The following USH2A variants were observed in gnomAD, a reference collection of about 807,000 sequenced individuals.
The protein encoded by USH2A is usherin.
Under a neutral mutation model 538.9 loss-of-function variants are expected in USH2A, and 443 were observed. That is an observed-to-expected ratio of 0.82 (90% CI 0.76 to 0.89). The LOEUF (loss-of-function observed/expected upper bound fraction) is 0.89. USH2A is among the 40% of genes least tolerant of loss of function. USH2A has a pLI of 0.00. For synonymous variants in USH2A, 2,413 were observed against 2,273.5 expected (o/e 1.06, Z -1.75); for missense variants, 6,633 against 6,324.8 (o/e 1.05, Z -1.65).
At chr1:216,238,491 A>C (rs2102532543) in intron 13 of USH2A, among the ~76,000 whole-genome samples, 2 of 152,280 alleles carry the variant, frequency 1.3e-5, no homozygotes, top group East Asian at 3.9e-4. Context: ...ATGTACACAC[A>C]CTCCAAATAA....
intron 9 of USH2A, among the ~76,000 whole-genome samples, chr1:216,319,671 C>G (rs910189724): frequency 5.9e-5 from 9 of 152,100 alleles, no homozygotes; most frequent in Non-Finnish European, 8.8e-5. Context: ...ATAACTAAAT[C>G]AAAGACTCTT....
At chr1:215,988,398 G>A (rs895776735) in intron 35 of USH2A, among the ~76,000 whole-genome samples, 1 of 152,134 alleles carries the variant, frequency 6.6e-6, no homozygotes, top group South Asian at 2.1e-4. Context: ...ATGCCATTGT[G>A]TAAATATATC....
intron 26 of USH2A, among the ~76,000 whole-genome samples, chr1:216,079,418 A>C (rs1047835945): frequency 1.3e-5 from 2 of 152,148 alleles, no homozygotes; most frequent in African/African-American, 4.8e-5. Flanking sequence ...GGAAATTGGG[A>C]AAGGTTTAAA....
intron 61 of USH2A, among the ~76,000 whole-genome samples, chr1:215,699,964 A>G (rs1369998682): frequency 1.3e-5 from 2 of 152,148 alleles, no homozygotes; most frequent in Non-Finnish European, 2.9e-5. Flanking sequence ...AGCTCTTATT[A>G]TTTTGAGATA....
chr1:216,361,826 T>C (rs2038496298), intron 4 of USH2A, among the ~76,000 whole-genome samples: 1 of 152,204 alleles, frequency 6.6e-6, no homozygotes, highest in Non-Finnish European at 1.5e-5. Flanking sequence ...TATAACTGCA[T>C]ACACTATGGA....
Position 216,196,551 on chromosome 1 carries a change from A to C in USH2A, c.4251+2T>G. The C allele has an allele frequency of 6.2e-7, 1 of 1,613,252 alleles. No individual in the cohort carries two copies. The highest frequency in any genetic ancestry group is 8.5e-7 in the Non-Finnish European group (1 of 1,179,454). On this transcript the variant is annotated splice_donor_variant, in intron 19 of 71. Transcript: ENST00000307340. LOFTEE classifies it high-confidence loss of function. ...AAGGACATTAGTTAAAAATAACAAT[A>C]CCTGTGAAAACGCCATGGGAATAGA...
chr1:216,314,679 G>C (rs1156618467), intron 9 of USH2A, among the ~76,000 whole-genome samples: 1 of 152,026 alleles, frequency 6.6e-6, no homozygotes, highest in Non-Finnish European at 1.5e-5. Flanking sequence ...TGGTAGGAAG[G>C]CTTATTATAT....
Position 216,422,294 on chromosome 1 carries a change from G to GAA in USH2A, c.41_42dup (p.Gln15PhefsTer7). ...GCAAAGATCAACATTTCAATGACCT[G>GAA]AAACAAGAAGCCAGAGCCCAATGAA... On this transcript the variant is annotated frameshift_variant, in exon 2 of 72. Transcript: ENST00000307340. LOFTEE classifies it high-confidence loss of function. 5 of 1,613,786 alleles carry GAA rather than the reference G, an allele frequency of 3.1e-6. No homozygotes were observed. Among genetic ancestry groups the GAA allele is most frequent in the Non-Finnish European group, 4.2e-6 (5 of 1,179,826 alleles).
chr1:216,322,490 C>T (rs1242037569), intron 8 of USH2A, among the ~76,000 whole-genome samples: 2 of 151,136 alleles, frequency 1.3e-5, no homozygotes, highest in Non-Finnish European at 2.9e-5. Flanking sequence ...GCCTGTAGTC[C>T]CAGTTACTTT....
intron 51 of USH2A, among the ~76,000 whole-genome samples, chr1:215,788,383 T>C (rs1350640028): frequency 1.3e-5 from 2 of 152,256 alleles, no homozygotes; most frequent in East Asian, 1.9e-4. Context: ...CTGTGTGCAA[T>C]TGTCCCCTCT....
chr1:216,396,754 T>C (rs1019574473), intron 3 of USH2A, among the ~76,000 whole-genome samples: 1 of 152,174 alleles, frequency 6.6e-6, no homozygotes, highest in Admixed American at 6.5e-5. Context: ...GTGATGGTCA[T>C]TGTAACATGA....
intron 9 of USH2A, among the ~76,000 whole-genome samples, chr1:216,297,430 T>A (rs1276146824): frequency 6.6e-6 from 1 of 152,134 alleles, no homozygotes; most frequent in East Asian, 1.9e-4. Flanking sequence ...ATAGAATGTC[T>A]TACTTTTATC....
rs1445345283 is a variant in USH2A, at chr1:216,123,040, C to T, written c.4628-25827G>A. On this transcript the variant is annotated intron_variant, in intron 21 of 71. Transcript: ENST00000307340. The stretch of plus-strand genomic sequence containing the variant: ...AATGGGTCTCTCACCATGTGACACA[C>T]ACTGAGCTGAATATGTCATTTTATT... Among the ~76,000 whole-genome samples, 3 of 152,254 alleles carry T rather than the reference C, an allele frequency of 2.0e-5. No homozygotes were observed. In the East Asian group the frequency reaches 5.8e-4, roughly 30 times the overall value.
chr1:216,359,998 C>G (rs1426553539), intron 4 of USH2A, among the ~76,000 whole-genome samples: 4 of 152,022 alleles, frequency 2.6e-5, no homozygotes, highest in African/African-American at 4.8e-5. Context: ...TTTTGGAAGA[C>G]AATTTTACAG....
intron 21 of USH2A, among the ~76,000 whole-genome samples, chr1:216,172,541 G>A (rs1216136284): frequency 6.6e-6 from 1 of 152,022 alleles, no homozygotes; most frequent in Non-Finnish European, 1.5e-5. Context: ...ATTTGCCTCA[G>A]AATATAAAAA....
At chr1:215,640,212 T>C (rs1656629340) in intron 68 of USH2A, among the ~76,000 whole-genome samples, 1 of 152,114 alleles carries the variant, frequency 6.6e-6, no homozygotes, top group Non-Finnish European at 1.5e-5. Flanking sequence ...ATCTATGAAG[T>C]TGCTAGAAGT....
At position 215,675,198 on chromosome 1, in the gene USH2A, T is replaced by C; in HGVS notation, c.12713A>G (p.Tyr4238Cys). ...TGLQPWTQCEYKIYTWNSAGH... is the reference protein window; with the variant it reads ...TGLQPWTQCECKIYTWNSAGH... ...AGCTGAATTCCAAGTGTAGATTTTATATTCACACTGCGTCCATGGTTGCAA... is the reference window on the plus strand; with the variant it reads ...AGCTGAATTCCAAGTGTAGATTTTACATTCACACTGCGTCCATGGTTGCAA... Residue 4238 changes from tyrosine (Y) to cysteine (C), a missense_variant, in exon 63 of 72, where the codon TAT becomes TGT. Transcript: ENST00000307340. 1.2e-6 allele frequency: 2 copies of C among 1,613,944 alleles called. No homozygotes were observed. The highest frequency in any genetic ancestry group is 2.2e-5 in the South Asian group (2 of 91,074).
chr1:216,421,950 A>C lies in USH2A; in HGVS notation c.387T>G (p.Phe129Leu), dbSNP rs2039683918. The C allele has an allele frequency of 6.2e-7, 1 of 1,613,838 alleles. No homozygotes were observed. The highest frequency in any genetic ancestry group is 1.3e-5 in the African/African-American group (1 of 74,928). ...AAGAAAAGCAGCTCTTGTGATTTCC[A>C]AAAATAAAACTTGCAGAATTGCTAT... ...NAHSNSASFI[F>L]GNHKSCFSSP... Residue 129 changes from phenylalanine to leucine, a missense_variant, in exon 2 of 72, where the codon TTT becomes TTG. Physicochemically the swap from Phe to Leu is conservative, Grantham distance 22. Transcript: ENST00000307340.
chr1:215,995,375 C>G (rs1468784860), intron 34 of USH2A, among the ~76,000 whole-genome samples: 2 of 152,176 alleles, frequency 1.3e-5, no homozygotes, highest in Non-Finnish European at 2.9e-5. Context: ...GCTGAAATAA[C>G]AGAATTACCT....
Sources: gnomAD v4.1 joint callset for allele counts (sites outside exome capture counted in the v4.1 genomes callset) on GRCh38, gnomAD v4.1.1 for gene constraint, MANE v1.5 for transcripts, NCBI Gene and HGNC (gene_info 2026-07-23, HGNC 2026-07-21) for gene names.